CNTN5: variants seen among roughly 807,000 people sequenced by gnomAD.
The protein encoded by CNTN5 is contactin-5.
In CNTN5, 77 loss-of-function variants were observed where a neutral mutation model predicts 129.1. The ratio of observed to expected loss-of-function variants is 0.60; its 90% CI spans 0.50 to 0.72. The LOEUF is 0.72. CNTN5 is among the 30% of genes least tolerant of loss of function. The probability of loss-of-function intolerance (pLI) is 0.00; values close to 1 mark genes in which losing one functional copy is unlikely to be tolerated. For missense variants in CNTN5, 1,478 were observed against 1,328.8 expected (o/e 1.11, Z -1.75); for synonymous variants, 509 against 465.6 (o/e 1.09, Z -1.20).
At chr11:99,669,528 A>T (rs532081838) in intron 3 of CNTN5, among the ~76,000 whole-genome samples, 1 of 152,076 alleles carries the variant, frequency 6.6e-6, no homozygotes, top group Admixed American at 6.5e-5. Context: ...ATTCATGAGC[A>T]TGAGAGACTT....
intron 1 of CNTN5, among the ~76,000 whole-genome samples, chr11:99,170,779 C>T (rs1168617834): frequency 6.6e-6 from 1 of 152,180 alleles, no homozygotes; most frequent in Non-Finnish European, 1.5e-5. Context: ...CAGGCAGCTG[C>T]CACATTAGCA....
intron 13 of CNTN5, among the ~76,000 whole-genome samples, chr11:100,139,774 G>C (rs1322064841): frequency 6.6e-6 from 1 of 152,154 alleles, no homozygotes; most frequent in African/African-American, 2.4e-5. Context: ...TGAGGCAGGA[G>C]AATCACTTGA....
chr11:99,400,465 A>G (rs1941745939), intron 2 of CNTN5, among the ~76,000 whole-genome samples: 1 of 151,946 alleles, frequency 6.6e-6, no homozygotes, highest in African/African-American at 2.4e-5. Context: ...TCTTTATCCA[A>G]TCATCTGTTG....
At position 99,965,146 on chromosome 11, in the gene CNTN5, G is replaced by C. The variant is rs150718918; in HGVS notation, c.877+8137G>C. Among the ~76,000 whole-genome samples, 30 of 152,212 alleles carry C rather than the reference G, an allele frequency of 2.0e-4. No homozygotes were observed. The East Asian group carries it at 5.6e-3, about 28-fold the overall frequency. The stretch of plus-strand genomic sequence containing the variant: ...TCATTGATTTTTTGAACGGTTTTTT[G>C]TGTCTTTATTTCCTTTAATTCTGCT... On this transcript the variant is annotated intron_variant, in intron 8 of 24. Transcript: ENST00000524871.
intron 1 of CNTN5, among the ~76,000 whole-genome samples, chr11:99,185,764 A>T (rs1284488316): frequency 6.6e-6 from 1 of 151,774 alleles, no homozygotes; most frequent in Non-Finnish European, 1.5e-5. Context: ...GAGGGGAAAT[A>T]AAATAAAGAG....
intron 3 of CNTN5, among the ~76,000 whole-genome samples, chr11:99,761,733 A>C (rs1411456642): frequency 1.3e-5 from 2 of 148,924 alleles, no homozygotes; most frequent in African/African-American, 2.5e-5. Context: ...ATACGTGTGC[A>C]TGTGTCTTTA....
chr11:100,248,258 C>T (rs1445123244), intron 16 of CNTN5, among the ~76,000 whole-genome samples: 7 of 152,050 alleles, frequency 4.6e-5, no homozygotes, highest in Admixed American at 3.9e-4. Flanking sequence ...ATAGCAGAAA[C>T]AACAGGGGTC....
chr11:99,945,575 A>C (rs1950537976), intron 7 of CNTN5, among the ~76,000 whole-genome samples: 1 of 151,646 alleles, frequency 6.6e-6, no homozygotes, highest in Non-Finnish European at 1.5e-5. Context: ...TACCTGAAAT[A>C]ATGATGTTAA....
chr11:99,022,731 T>C (rs1352504736), intron 1 of CNTN5, among the ~76,000 whole-genome samples: 2 of 152,084 alleles, frequency 1.3e-5, no homozygotes, highest in Non-Finnish European at 2.9e-5. Flanking sequence ...AAATTCAATA[T>C]AAAGAATAGA....
intron 1 of CNTN5, among the ~76,000 whole-genome samples, chr11:99,287,558 T>C (rs1429336571): frequency 6.6e-6 from 1 of 152,110 alleles, no homozygotes; most frequent in Non-Finnish European, 1.5e-5. Flanking sequence ...AATCTTTTCC[T>C]ACTACAAGTG....
intron 2 of CNTN5, among the ~76,000 whole-genome samples, chr11:99,392,753 G>T (rs1011171407): frequency 6.6e-6 from 1 of 151,840 alleles, no homozygotes; most frequent in African/African-American, 2.4e-5. Context: ...CTAAAAGGTT[G>T]CCATGAATTG....
intron 19 of CNTN5, among the ~76,000 whole-genome samples, chr11:100,298,403 A>C (rs747102833): frequency 2.6e-5 from 4 of 151,474 alleles, no homozygotes; most frequent in Non-Finnish European, 4.4e-5. Flanking sequence ...ATCTCTCTAA[A>C]TGGAATTGCC....
At chr11:99,954,541 A>T (rs180680068) in intron 7 of CNTN5, among the ~76,000 whole-genome samples, 45 of 152,344 alleles carry the variant, frequency 3.0e-4, no homozygotes, top group African/African-American at 1.0e-3. Context: ...AGGCTGTGGC[A>T]CCACAGCTAA....
intron 2 of CNTN5, among the ~76,000 whole-genome samples, chr11:99,364,515 A>G (rs2136115957): frequency 6.6e-6 from 1 of 152,248 alleles, no homozygotes. Context: ...ATAATTGAGT[A>G]AAGAGATATG....
chr11:99,354,904 T>C (rs1193498097), intron 2 of CNTN5, among the ~76,000 whole-genome samples: 1 of 152,190 alleles, frequency 6.6e-6, no homozygotes, highest in African/African-American at 2.4e-5. Context: ...CTACAGTTTC[T>C]GGCGCTCTTT....
intron 6 of CNTN5, among the ~76,000 whole-genome samples, chr11:99,868,040 C>T (rs1243947872): frequency 6.6e-6 from 1 of 151,950 alleles, no homozygotes; most frequent in East Asian, 1.9e-4. Context: ...CATGGAGAAA[C>T]CCTGTGTCTA....
rs542525387 is a variant in CNTN5 at position 99,824,659 on chromosome 11, T to C, written c.277+4894T>C. On this transcript the variant is annotated intron_variant, in intron 4 of 24. Coordinates refer to ENST00000524871, the MANE Select transcript of CNTN5 (RefSeq NM_014361.4). ...CTTTTCATGTCCTAAAAAAAACCCT[T>C]TTTACCTTAAATTTTTATTTCCTTC... 1.5e-3 allele frequency among the ~76,000 whole-genome samples: 224 copies of C among 152,108 alleles called. 2 individuals are homozygous for C. The highest frequency in any genetic ancestry group is 6.8e-3 in the Middle Eastern group (2 of 294).
At chr11:99,518,301 C>T (rs1178706088) in intron 2 of CNTN5, among the ~76,000 whole-genome samples, 1 of 152,112 alleles carries the variant, frequency 6.6e-6, no homozygotes, top group African/African-American at 2.4e-5. Flanking sequence ...CTTTATGAGA[C>T]ACCCGTTGGA....
chr11:99,429,015 C>T (rs1943254238), intron 2 of CNTN5, among the ~76,000 whole-genome samples: 1 of 151,924 alleles, frequency 6.6e-6, no homozygotes, highest in Non-Finnish European at 1.5e-5. Context: ...AATCTTCATG[C>T]CAAATTTTGA....
Sources: gnomAD v4.1 joint callset for allele counts (sites outside exome capture counted in the v4.1 genomes callset) on GRCh38, gnomAD v4.1.1 for gene constraint, MANE v1.5 for transcripts, NCBI Gene and HGNC (gene_info 2026-07-23, HGNC 2026-07-21) for gene names.